SPAG4: variants seen among roughly 807,000 people sequenced by gnomAD.
SPAG4 encodes the protein sperm associated antigen 4.
A neutral mutation model predicts 53.9 loss-of-function variants in SPAG4; 54 were observed. The observed-to-expected ratio is 1.00, with a 90% CI of 0.80 to 1.26. The LOEUF is 1.26. SPAG4 is among the 50% of genes most tolerant of loss of function. The pLI is 0.00. For missense variants in SPAG4, 548 were observed against 568.6 expected (o/e 0.96, Z 0.37); for synonymous variants, 246 against 237.4 (o/e 1.04, Z -0.33).
At chr20:35,616,432 G>T in intron 1 of SPAG4, 125 bp downstream of exon 1, 1 of 1,360,772 alleles carries the variant, frequency 7.3e-7, no homozygotes. Context: ...GTAGGGTAAA[G>T]GGATGGTGCT....
chr20:35,618,683 A>C lies in SPAG4; in HGVS notation c.680A>C (p.His227Pro), dbSNP rs750995973. 1 of 1,592,670 alleles carries C rather than the reference A, an allele frequency of 6.3e-7. No individual in the cohort carries two copies. Among genetic ancestry groups the C allele is most frequent in the African/African-American group, 1.3e-5 (1 of 74,472 alleles). The change falls in exon 7 of 12, where the codon CAC becomes CCC. Residue 227 changes from histidine to proline, a missense_variant. By Grantham distance (77) the His-to-Pro change is moderately conservative. Transcript: ENST00000374273. ...CTCCAGGCCGAGCTGGATAAACTCCACAAGGAGGTGTCCACTGTTCGGGCA... is the reference window on the plus strand; with the variant it reads ...CTCCAGGCCGAGCTGGATAAACTCCCCAAGGAGGTGTCCACTGTTCGGGCA... ...QQLQAELDKLHKEVSTVRAAN... is the reference protein window; with the variant it reads ...QQLQAELDKLPKEVSTVRAAN...
intron 7 of SPAG4, 63 bp from the exon 8 acceptor site, chr20:35,618,860 C>A: frequency 6.6e-7 from 1 of 1,518,432 alleles, no homozygotes. Context: ...CCAGAGGTCC[C>A]GTCCACCTGT....
intron 11 of SPAG4, 49 bp downstream of exon 11, chr20:35,620,822 G>A: frequency 1.2e-6 from 2 of 1,612,958 alleles, no homozygotes; most frequent in Non-Finnish European, 1.7e-6. Flanking sequence ...GGCAGTGAGG[G>A]ATGAATGATC....
intron 3 of SPAG4, 31 bp downstream of exon 3, chr20:35,617,617 A>G (rs2146261483): frequency 6.2e-7 from 1 of 1,608,440 alleles, no homozygotes; most frequent in Non-Finnish European, 8.5e-7. Flanking sequence ...CGCCCCAGGA[A>G]CAGCTCTTTG....
At chr20:35,617,273 C>A in intron 2 of SPAG4, 33 bp downstream of exon 2, 2 of 1,444,278 alleles carry the variant, frequency 1.4e-6, no homozygotes, top group East Asian at 2.4e-5. Context: ...TCCCCTCTGA[C>A]CCTCGGGTTC....
intron 9 of SPAG4, 85 bp from the exon 10 acceptor site, chr20:35,619,494 G>A: frequency 6.4e-7 from 1 of 1,555,760 alleles, no homozygotes; most frequent in Non-Finnish European, 8.8e-7. Context: ...CGGGTCGATG[G>A]ATGGGGTCGA....
In SPAG4 at chr20:35,619,329, C is replaced by G. The variant is rs371035800; in HGVS notation, c.909+19C>G. ...CCTGGAGGTGAGTCTGGAAACATCC[C>G]GGGATGGGACCCCGGGCGGGACGCT... On this transcript the variant is annotated intron_variant, in intron 9 of 11. Coordinates refer to ENST00000374273, the MANE Select transcript of SPAG4 (RefSeq NM_003116.3). The G allele has an allele frequency of 9.4e-6, 15 of 1,596,188 alleles. No individual in the cohort carries two copies. Among genetic ancestry groups the G allele is most frequent in the Non-Finnish European group, 1.2e-5 (14 of 1,163,656 alleles).
At chr20:35,619,539 T>G (rs759443483) in intron 9 of SPAG4, 40 bp from the exon 10 acceptor site, 1 of 1,597,816 alleles carries the variant, frequency 6.3e-7, no homozygotes, top group Admixed American at 1.7e-5. Flanking sequence ...CAGCAGTCGC[T>G]CTGTCCGACG....
Position 35,619,722 on chromosome 20 carries a change from C to T in SPAG4, c.1053C>T (p.Ser351=). 1 of 1,610,604 alleles carries T rather than the reference C, an allele frequency of 6.2e-7. No homozygotes were observed. Among genetic ancestry groups the T allele is most frequent in the Non-Finnish European group, 8.5e-7 (1 of 1,177,522 alleles). ...PSVEHTGGAN[S]APRDFAVFGL... ...TGGAGCACACCGGAGGAGCCAACAG[C>T]GCCCCCCGCGATTTCGCGGTCTTTG... Residue 351 remains serine (S), a synonymous_variant, in exon 10 of 12, where the codon AGC becomes AGT. Transcript: ENST00000374273.
intron 8 of SPAG4, 69 bp from the exon 9 acceptor site, chr20:35,619,123 GCCC>G: frequency 4.6e-6 from 2 of 433,746 alleles, no homozygotes; most frequent in Non-Finnish European, 3.4e-6. Flanking sequence ...CCCGCCCCCA[GCCC>G]CCGCGCCCCC....
Position 35,619,056 on chromosome 20 carries a change from G to A in SPAG4, c.793+58G>A, listed in dbSNP as rs1470927670. Reference sequence around the variant, plus strand: ...CAGACAGGAAAGAGGCCAAGACACTGACACAGACAGACCCATGCACCTGAC... The same window carrying A: ...CAGACAGGAAAGAGGCCAAGACACTAACACAGACAGACCCATGCACCTGAC... On this transcript the variant is annotated intron_variant, in intron 8 of 11. Transcript: ENST00000374273. The A allele has an allele frequency of 3.3e-6, 5 of 1,509,712 alleles. No homozygotes were observed. In the Admixed American group the frequency reaches 8.4e-5, roughly 25 times the overall value. 93.5% of individuals were successfully genotyped at this position (1,509,712 alleles called of 1,614,324 possible).
At chr20:35,620,471 G>A (rs1162613361) in intron 10 of SPAG4, among the ~76,000 whole-genome samples, 1 of 152,132 alleles carries the variant, frequency 6.6e-6, no homozygotes, top group Non-Finnish European at 1.5e-5. Flanking sequence ...CTGGGTGACA[G>A]AGCAACACTC....
chr20:35,618,427 T>G (rs2031458367), intron 5 of SPAG4, 23 bp from the exon 6 acceptor site: 1 of 1,613,770 alleles, frequency 6.2e-7, no homozygotes, highest in African/African-American at 1.3e-5. Flanking sequence ...AGCGGCTCTG[T>G]GTTTTGTCCC....
chr20:35,616,212 CCACATGGGCAGGAAG>C lies in SPAG4; in HGVS notation c.211_225del (p.Thr71_Ser75del). The C allele has an allele frequency of 6.3e-7, 1 of 1,581,858 alleles. No individual in the cohort carries two copies. The highest frequency in any genetic ancestry group is 8.6e-7 in the Non-Finnish European group (1 of 1,166,534). On this transcript the variant is annotated inframe_deletion, in exon 1 of 12. Coordinates refer to ENST00000374273, the MANE Select transcript of SPAG4 (RefSeq NM_003116.3). ...TTGAGCGCGGGAGTGCCCGGAGGAA[CCACATGGGCAGGAAG>C]CTCTCAGCAGAAGCCAGCGCCTCGG...
intron 9 of SPAG4, 29 bp from the exon 10 acceptor site, chr20:35,619,550 G>A: frequency 6.2e-7 from 1 of 1,605,286 alleles, no homozygotes; most frequent in African/African-American, 1.3e-5. Flanking sequence ...CTGTCCGACG[G>A]TTCCGATGGT....
At position 35,617,601 on chromosome 20, in the gene SPAG4, C is replaced by G. The variant is rs772759667; in HGVS notation, c.476+15C>G. Reference sequence around the variant, plus strand: ...AGCATGTACAGGTCAGAGGAAGGGACGCTGGCGCCCCAGGAACAGCTCTTT... The same window carrying G: ...AGCATGTACAGGTCAGAGGAAGGGAGGCTGGCGCCCCAGGAACAGCTCTTT... On this transcript the variant is annotated intron_variant, in intron 3 of 11. Transcript: ENST00000374273. 30 of 1,608,416 alleles carry G rather than the reference C, an allele frequency of 1.9e-5. No individual in the cohort carries two copies. Among genetic ancestry groups the G allele is most frequent in the Admixed American group, 1.5e-4 (9 of 58,878 alleles).
chr20:35,616,104 G>A lies in SPAG4; in HGVS notation c.101G>A (p.Ser34Asn). The change falls in exon 1 of 12, where the codon AGC becomes AAC. Residue 34 changes from serine (S) to asparagine (N), a missense_variant. Ser to Asn is a conservative substitution (Grantham distance 46). Transcript: ENST00000374273. ...TCAATGAGCATCACCTCGGAGGACA[G>A]CAAAGGGCTCCGGTCAGCGGAGCCC... Reference protein sequence around the residue: ...NSSMSITSEDSKGLRSAEPGP... With the variant: ...NSSMSITSEDNKGLRSAEPGP... 1.9e-6 allele frequency: 3 copies of A among 1,598,052 alleles called. No individual in the cohort carries two copies. Among genetic ancestry groups the A allele is most frequent in the Non-Finnish European group, 2.6e-6 (3 of 1,171,038 alleles).
Position 35,616,288 on chromosome 20 carries a change from C to A in SPAG4, c.285C>A (p.Thr95=), listed in dbSNP as rs1289080198. ...GGCAGACAGCCTGTGGCGCGGCAAC[C>A]GTGAGGGGCGGGGCCTCGGGTGCGG... is the stretch of plus-strand genomic sequence containing the variant. The part of the protein sequence containing the change: ...HNWQTACGAA[T]VRGGASEPTG... The change falls in exon 1 of 12, where the codon ACC becomes ACA. Residue 95 remains threonine (T), a synonymous_variant. Coordinates refer to ENST00000374273, the MANE Select transcript of SPAG4 (RefSeq NM_003116.3). The A allele has an allele frequency of 7.3e-7, 1 of 1,375,320 alleles. No individual in the cohort carries two copies. Among genetic ancestry groups the A allele is most frequent in the East Asian group, 3.1e-5 (1 of 32,364 alleles). 85.2% of individuals were successfully genotyped at this position (1,375,320 alleles called of 1,614,324 possible).
Position 35,616,131 on chromosome 20 carries a change from G to GGCCTGGGGAGCCCGAGGGCAGAAGA in SPAG4, c.132_156dup (p.Arg53TrpfsTer15). On this transcript the variant is annotated frameshift_variant, in exon 1 of 12. Transcript: ENST00000374273. LOFTEE classifies it high-confidence loss of function. ...AAAGGGCTCCGGTCAGCGGAGCCCG[G>GGCCTGGGGAGCCCGAGGGCAGAAGA]GCCTGGGGAGCCCGAGGGCAGAAGA... is the stretch of plus-strand genomic sequence containing the variant. 1 of 1,605,216 alleles carries GGCCTGGGGAGCCCGAGGGCAGAAGA rather than the reference G, an allele frequency of 6.2e-7. No homozygotes were observed. The highest frequency in any genetic ancestry group is 2.2e-5 in the East Asian group (1 of 44,452).
Sources: gnomAD v4.1 joint callset for allele counts (sites outside exome capture counted in the v4.1 genomes callset) on GRCh38, gnomAD v4.1.1 for gene constraint, MANE v1.5 for transcripts, NCBI Gene and HGNC (gene_info 2026-07-23, HGNC 2026-07-21) for gene names.